The following ZCCHC24 variants were observed in gnomAD, a reference collection of about 807,000 sequenced individuals.
ZCCHC24 encodes the protein zinc finger CCHC domain-containing protein 24.
ZCCHC24 carries 10 observed loss-of-function variants against 26.2 expected under a neutral mutation model. The ratio of observed to expected loss-of-function variants is 0.38; its 90% CI spans 0.24 to 0.65. ZCCHC24 has a LOEUF of 0.65. Ranked by LOEUF, ZCCHC24 falls within the 30% of genes least tolerant of loss-of-function variation. The pLI, the probability that ZCCHC24 is intolerant of heterozygous loss-of-function variation, is 0.54. For synonymous variants in ZCCHC24, 144 were observed against 147.1 expected (o/e 0.98, Z 0.15); for missense variants, 243 against 329.1 (o/e 0.74, Z 2.03).
chr10:79,439,154 C>T (rs763174857), intron 1 of ZCCHC24, among the ~76,000 whole-genome samples: 31 of 152,124 alleles, frequency 2.0e-4, no homozygotes, highest in Admixed American at 7.2e-4. Flanking sequence ...TGCATGTGCA[C>T]GCATGCTTAT....
At chr10:79,397,609 G>A (rs1856564041) in intron 2 of ZCCHC24, among the ~76,000 whole-genome samples, 1 of 152,160 alleles carries the variant, frequency 6.6e-6, no homozygotes, top group Non-Finnish European at 1.5e-5. Flanking sequence ...GTCTTCAGAG[G>A]GGATGAGGGG....
chr10:79,402,210 G>T (rs574829132), intron 2 of ZCCHC24, among the ~76,000 whole-genome samples: 1 of 152,328 alleles, frequency 6.6e-6, no homozygotes, highest in South Asian at 2.1e-4. Context: ...GGGGATAGAG[G>T]TCAGAGGTCC....
At chr10:79,425,215 G>A (rs1857009140) in intron 2 of ZCCHC24, among the ~76,000 whole-genome samples, 1 of 152,210 alleles carries the variant, frequency 6.6e-6, no homozygotes, top group African/African-American at 2.4e-5. Flanking sequence ...AGCGTGCAGA[G>A]GCCAAAACGA....
chr10:79,414,026 G>A (rs1429808737), intron 2 of ZCCHC24, among the ~76,000 whole-genome samples: 1 of 152,200 alleles, frequency 6.6e-6, no homozygotes. Flanking sequence ...CCAAAGAAGT[G>A]AGAGCTCCGT....
chr10:79,441,685 A>T (rs1461901791), intron 1 of ZCCHC24, among the ~76,000 whole-genome samples: 1 of 151,542 alleles, frequency 6.6e-6, no homozygotes, highest in African/African-American at 2.4e-5. Context: ...TTTCCAAGGG[A>T]AAGGAAGGAC....
At chr10:79,437,800 G>A (rs528339065) in intron 1 of ZCCHC24, among the ~76,000 whole-genome samples, 29 of 152,314 alleles carry the variant, frequency 1.9e-4, no homozygotes, top group Admixed American at 1.0e-3. Flanking sequence ...AGTTCTCCCC[G>A]GAGCAAGCCT....
rs200949698 is a variant in ZCCHC24, at chr10:79,386,438, G to A, written c.633C>T (p.Asp211=). Residue 211 remains aspartate, a synonymous_variant, in exon 4 of 4, where the codon GAC becomes GAT. Transcript: ENST00000372336. ...PHKQRPLEKP[D]GLDVSDQSKE... ...TGCTCTGGTCGGACACGTCCAGGCC[G>A]TCGGGCTTCTCCAGGGGTCTCTGCA... 9.5e-5 allele frequency: 152 copies of A among 1,602,206 alleles called. No homozygotes were observed. The East Asian group carries it at 1.7e-3, about 18-fold the overall frequency.
At position 79,383,697 on chromosome 10, in the gene ZCCHC24, C is replaced by T. The variant is rs979384042; in HGVS notation, c.*2648G>A. On this transcript the variant is annotated 3_prime_UTR_variant, in exon 4 of 4. Transcript: ENST00000372336. ...CAAAAAATTACTGTGAAGATTTTTT[C>T]GGGAAAAGCTACCAAATTCAGTGTT... 1 of 149,998 alleles carries T rather than the reference C, an allele frequency of 6.7e-6. No homozygotes were observed. The highest frequency in any genetic ancestry group is 2.5e-5 in the African/African-American group (1 of 40,562). 9.3% of individuals were successfully genotyped at this position (149,998 alleles called of 1,614,324 possible). A position where few individuals can be genotyped will look rare whatever the true frequency, so the allele number is the denominator to read the frequency against.
At chr10:79,405,295 G>A (rs10740501) in intron 2 of ZCCHC24, among the ~76,000 whole-genome samples, 77,406 of 152,094 alleles carry the variant, frequency 0.51, 21,532 homozygotes, top group East Asian at 0.85. Flanking sequence ...TGTGTGCTGC[G>A]GTCAGGTGCA....
At chr10:79,435,484 G>T (rs11595512) in intron 1 of ZCCHC24, among the ~76,000 whole-genome samples, 8,757 of 152,240 alleles carry the variant, frequency 0.058, 357 homozygotes, top group African/African-American at 0.11. Context: ...CCGCAGCCTT[G>T]CCCCTGCCCC....
rs981569858 is a variant in ZCCHC24, at chr10:79,382,634, C to T, written c.*3711G>A. ...CCCGCTGCCACAGCCCCCAGGGGAC[C>T]GCTTGGCCATCTCGCTGAAGGCTGG... On this transcript the variant is annotated 3_prime_UTR_variant, in exon 4 of 4. Coordinates refer to ENST00000372336, the MANE Select transcript of ZCCHC24 (RefSeq NM_153367.4). 11 of 152,872 alleles carry T rather than the reference C, an allele frequency of 7.2e-5. No individual in the cohort carries two copies. The highest frequency in any genetic ancestry group is 1.9e-4 in the East Asian group (1 of 5,330). The allele number at this position is 152,872 out of a possible 1,614,324, so 9.5% of individuals were successfully genotyped here.
intron 1 of ZCCHC24, among the ~76,000 whole-genome samples, chr10:79,444,708 C>A (rs966898734): frequency 2.6e-5 from 4 of 152,196 alleles, no homozygotes; most frequent in African/African-American, 7.2e-5. Context: ...GGGTCGGGAA[C>A]CGCAGAGGTC....
At chr10:79,410,218 T>C (rs149382211) in intron 2 of ZCCHC24, among the ~76,000 whole-genome samples, 72 of 152,374 alleles carry the variant, frequency 4.7e-4, no homozygotes, top group Non-Finnish European at 9.8e-4. Flanking sequence ...CCCTGACAAC[T>C]GTCTTTGAAT....
intron 1 of ZCCHC24, among the ~76,000 whole-genome samples, chr10:79,435,689 A>C (rs1857206785): frequency 6.6e-6 from 1 of 152,240 alleles, no homozygotes; most frequent in Non-Finnish European, 1.5e-5. Context: ...AAAGATGGGG[A>C]AACTGAGGCC....
chr10:79,399,163 G>A (rs1480394671), intron 2 of ZCCHC24, among the ~76,000 whole-genome samples: 1 of 152,224 alleles, frequency 6.6e-6, no homozygotes, highest in Admixed American at 6.5e-5. Context: ...AGTGGATGGA[G>A]GAGAAGAAGG....
intron 2 of ZCCHC24, among the ~76,000 whole-genome samples, chr10:79,419,026 C>T (rs544724169): frequency 5.9e-4 from 90 of 152,288 alleles, no homozygotes; most frequent in Non-Finnish European, 7.9e-4. Context: ...TGTGCATGCA[C>T]GCACGTTTGC....
intron 1 of ZCCHC24, chr10:79,444,302 C>T: frequency 7.3e-7 from 1 of 1,376,324 alleles, no homozygotes; most frequent in Non-Finnish European, 9.4e-7. Context: ...TCTGGGCAGG[C>T]CCTGGAGACT....
At chr10:79,395,799 C>T (rs996756324) in intron 2 of ZCCHC24, among the ~76,000 whole-genome samples, 1 of 152,026 alleles carries the variant, frequency 6.6e-6, no homozygotes, top group African/African-American at 2.4e-5. Context: ...ATGAAAGAAA[C>T]TAGCTATCTC....
At chr10:79,407,242 G>A (rs530515841) in intron 2 of ZCCHC24, among the ~76,000 whole-genome samples, 4 of 152,308 alleles carry the variant, frequency 2.6e-5, no homozygotes, top group South Asian at 2.1e-4. Context: ...CCCAGGGAGC[G>A]CCTGTCCCAG....
Sources: gnomAD v4.1 joint callset for allele counts (sites outside exome capture counted in the v4.1 genomes callset) on GRCh38, gnomAD v4.1.1 for gene constraint, MANE v1.5 for transcripts, NCBI Gene and HGNC (gene_info 2026-07-23, HGNC 2026-07-21) for gene names.